THRSP: variants seen among roughly 807,000 people sequenced by gnomAD.
THRSP encodes the protein thyroid hormone responsive.
THRSP carries 9 observed loss-of-function variants against 11.1 expected under a neutral mutation model. The observed-to-expected ratio is 0.81, with a 90% CI of 0.49 to 1.42. THRSP has a LOEUF of 1.42. Ranked by LOEUF, THRSP falls within the 40% of genes most tolerant of loss-of-function variation. THRSP has a pLI of 0.00. For synonymous variants in THRSP, 73 were observed against 78.1 expected (o/e 0.94, Z 0.34); for missense variants, 177 against 188.2 (o/e 0.94, Z 0.35).
chr11:78,064,306 C>T lies in THRSP; in HGVS notation c.425C>T (p.Thr142Met), dbSNP rs117003832. 0.012 allele frequency: 19,632 copies of T among 1,610,652 alleles called. 178 individuals carry two copies. The highest frequency in any genetic ancestry group is 0.015 in the Non-Finnish European group (17,574 of 1,178,254). Residue 142 changes from threonine to methionine, a missense_variant, in exon 1 of 2, where the codon ACG becomes ATG. By Grantham distance (81) the Thr-to-Met change is moderately conservative. Transcript: ENST00000281030. The stretch of plus-strand genomic sequence containing the variant: ...GTGACAAGGAAATACCAGGAAATGA[C>T]GGGACAAGTTTGGTAGACCTTGGAC... ...QEVTRKYQEM[T>M]GQVW is the part of the protein sequence containing the mutation.
At chr11:78,065,287 G>T (rs1200076838) in intron 1 of THRSP, among the ~76,000 whole-genome samples, 1 of 152,112 alleles carries the variant, frequency 6.6e-6, no homozygotes, top group Non-Finnish European at 1.5e-5. Flanking sequence ...AAGCCCTGTT[G>T]TATGTACATA....
rs944850410 is a variant in THRSP at position 78,068,051 on chromosome 11, C to T, written c.*412C>T. The T allele has an allele frequency of 6.6e-6, 1 of 152,128 alleles. No homozygotes were observed. The highest frequency in any genetic ancestry group is 1.5e-5 in the Non-Finnish European group (1 of 68,020). 9.4% of individuals were successfully genotyped at this position (152,128 alleles called of 1,614,324 possible). A position where few individuals can be genotyped will look rare whatever the true frequency, so the allele number is the denominator to read the frequency against. ...TATTTAACCCATTGGAGCCTAAATT[C>T]CCTCATCTATAAAATGGGGATAATA... On this transcript the variant is annotated 3_prime_UTR_variant, in exon 2 of 2. Transcript: ENST00000281030.
Position 78,064,218 on chromosome 11 carries a change from T to A in THRSP, c.337T>A (p.Phe113Ile), listed in dbSNP as rs765723592. ...ASGELDLEAQ[F>I]HLHFSSLHHI... is the part of the protein sequence containing the mutation. Reference sequence around the variant, plus strand: ...AGGAGAGCTGGACCTGGAAGCCCAGTTCCACCTGCACTTCTCCAGCCTCCA... The same window carrying A: ...AGGAGAGCTGGACCTGGAAGCCCAGATCCACCTGCACTTCTCCAGCCTCCA... The change falls in exon 1 of 2, where the codon TTC becomes ATC. Residue 113 changes from phenylalanine to isoleucine, a missense_variant. Transcript: ENST00000281030. 1.2e-6 allele frequency: 2 copies of A among 1,613,636 alleles called. No individual in the cohort carries two copies. Among genetic ancestry groups the A allele is most frequent in the Admixed American group, 3.3e-5 (2 of 59,980 alleles).
chr11:78,064,424 G>C, intron 1 of THRSP, 83 bp downstream of exon 1: 1 of 1,184,268 alleles, frequency 8.4e-7, no homozygotes, highest in South Asian at 1.6e-5. Context: ...AACCCACTGG[G>C]AGAGGAACAG....
At chr11:78,065,220 G>C (rs1293477297) in intron 1 of THRSP, among the ~76,000 whole-genome samples, 1 of 152,196 alleles carries the variant, frequency 6.6e-6, no homozygotes, top group Non-Finnish European at 1.5e-5. Flanking sequence ...CGAGGGACCA[G>C]TCATGGCACT....
chr11:78,064,527 C>T (rs570427803), intron 1 of THRSP, among the ~76,000 whole-genome samples, 186 bp downstream of exon 1: 58 of 152,218 alleles, frequency 3.8e-4, no homozygotes, highest in African/African-American at 1.3e-3. Flanking sequence ...ATCCTTCTGA[C>T]CTCAAATTGG....
chr11:78,065,966 T>TA (rs1858725846), intron 1 of THRSP, among the ~76,000 whole-genome samples: 1 of 152,318 alleles, frequency 6.6e-6, no homozygotes, highest in African/African-American at 2.4e-5. Context: ...CTTCTTGAAT[T>TA]AGATGGGGCT....
chr11:78,066,257 T>A (rs1858736094), intron 1 of THRSP, among the ~76,000 whole-genome samples: 1 of 152,116 alleles, frequency 6.6e-6, no homozygotes, highest in Non-Finnish European at 1.5e-5. Flanking sequence ...CACCTCCACC[T>A]CCCAGGTTCA....
chr11:78,064,850 G>A (rs1005367023), intron 1 of THRSP, among the ~76,000 whole-genome samples: 4 of 152,020 alleles, frequency 2.6e-5, no homozygotes, highest in Non-Finnish European at 5.9e-5. Flanking sequence ...TTAGCTGGGC[G>A]TGGTGGTGGG....
intron 1 of THRSP, 109 bp downstream of exon 1, chr11:78,064,450 G>A: frequency 1.0e-6 from 1 of 966,148 alleles, no homozygotes; most frequent in Non-Finnish European, 1.5e-6. Flanking sequence ...CTTTCAGACA[G>A]AGCCACTCTT....
At chr11:78,064,790 C>T (rs911413011) in intron 1 of THRSP, among the ~76,000 whole-genome samples, 5 of 151,990 alleles carry the variant, frequency 3.3e-5, no homozygotes, top group African/African-American at 1.2e-4. Context: ...GAGATTGAGA[C>T]CATCCTGGCT....
intron 1 of THRSP, among the ~76,000 whole-genome samples, chr11:78,064,719 AG>A (rs1858683335): frequency 1.3e-5 from 2 of 151,956 alleles, no homozygotes; most frequent in Admixed American, 6.6e-5. Context: ...AAGAGGGGCC[AG>A]GCGCGGTGGC....
At chr11:78,066,217 G>T (rs608173) in intron 1 of THRSP, among the ~76,000 whole-genome samples, 16 of 152,182 alleles carry the variant, frequency 1.1e-4, no homozygotes, top group African/African-American at 3.9e-4. Context: ...CCCCCAGGTT[G>T]GAGTGCAATG....
Position 78,068,204 on chromosome 11 carries a change from C to G in THRSP, c.*565C>G, listed in dbSNP as rs896998097. 2.6e-5 allele frequency: 4 copies of G among 151,808 alleles called. No homozygotes were observed. The highest frequency in any genetic ancestry group is 7.3e-5 in the African/African-American group (3 of 41,294). The allele number at this position is 151,808 out of a possible 1,614,324, so 9.4% of individuals were successfully genotyped here. On this transcript the variant is annotated 3_prime_UTR_variant, in exon 2 of 2. Coordinates refer to ENST00000281030, the MANE Select transcript of THRSP (RefSeq NM_003251.4). Reference sequence around the variant, plus strand: ...CCCAATGTATTTGCTCTGGCCCTTGCTTTTTACCCTCCAGAGCTAAGAGGT... The same window carrying G: ...CCCAATGTATTTGCTCTGGCCCTTGGTTTTTACCCTCCAGAGCTAAGAGGT...
chr11:78,065,843 T>C (rs756306368), intron 1 of THRSP, among the ~76,000 whole-genome samples: 5 of 152,256 alleles, frequency 3.3e-5, no homozygotes, highest in Non-Finnish European at 5.9e-5. Context: ...TGGAGAGCTC[T>C]GCTCCAGGCA....
rs781593108 is a variant in THRSP at position 78,063,861 on chromosome 11, A to G, written c.-21A>G. On this transcript the variant is annotated 5_prime_UTR_variant, in exon 1 of 2. Coordinates refer to ENST00000281030, the MANE Select transcript of THRSP (RefSeq NM_003251.4). The stretch of plus-strand genomic sequence containing the variant: ...AGTGCGGGGGCAGTCTGCTGGTCTC[A>G]TTGTGTCAGAGGAAGCAACCATGCA... 1 of 1,539,236 alleles carries G rather than the reference A, an allele frequency of 6.5e-7. No homozygotes were observed. Among genetic ancestry groups the G allele is most frequent in the African/African-American group, 1.4e-5 (1 of 72,708 alleles).
In THRSP at chr11:78,063,999, G is replaced by A. The variant is rs370364182; in HGVS notation, c.118G>A (p.Val40Met). ...VVMIPSLLRD[V>M]QLSGPGGQAQ... ...GATGATCCCCAGCCTTCTGCGGGAC[G>A]TGCAGCTGAGTGGGCCTGGGGGCCA... is the stretch of plus-strand genomic sequence containing the variant. The change falls in exon 1 of 2, where the codon GTG becomes ATG. Residue 40 changes from valine to methionine, a missense_variant. Transcript: ENST00000281030. The A allele has an allele frequency of 1.3e-5, 21 of 1,614,032 alleles. No homozygotes were observed. The highest frequency in any genetic ancestry group is 2.7e-5 in the African/African-American group (2 of 74,956).
At position 78,066,197 on chromosome 11, in the gene THRSP, C is replaced by T. The variant is rs571411211; in HGVS notation, c.*20-1462C>T. ...ACCTTTTTAAATTTTGAGACGGAGT[C>T]TCACCCTGTCCCCCAGGTTGGAGTG... On this transcript the variant is annotated intron_variant, in intron 1 of 1. Coordinates refer to ENST00000281030, the MANE Select transcript of THRSP (RefSeq NM_003251.4). Among the ~76,000 whole-genome samples, 5 of 152,324 alleles carry T rather than the reference C, an allele frequency of 3.3e-5. No homozygotes were observed. In the South Asian group the frequency reaches 1.0e-3, roughly 32 times the overall value.
rs1419989046 is a variant in THRSP, at chr11:78,068,129, G to C, written c.*490G>C. On this transcript the variant is annotated 3_prime_UTR_variant, in exon 2 of 2. Coordinates refer to ENST00000281030, the MANE Select transcript of THRSP (RefSeq NM_003251.4). ...TAAACATGATGAATCAAAAGCACTT[G>C]GCATGTGAGGGCTATTAAAATAGCC... 6.6e-6 allele frequency: 1 copy of C among 152,012 alleles called. No individual in the cohort carries two copies. The highest frequency in any genetic ancestry group is 2.4e-5 in the African/African-American group (1 of 41,348). The allele number at this position is 152,012 out of a possible 1,614,324, so 9.4% of individuals were successfully genotyped here.
Sources: gnomAD v4.1 joint callset for allele counts (sites outside exome capture counted in the v4.1 genomes callset) on GRCh38, gnomAD v4.1.1 for gene constraint, MANE v1.5 for transcripts, NCBI Gene and HGNC (gene_info 2026-07-23, HGNC 2026-07-21) for gene names.